The following RALYL variants were observed in gnomAD, a reference collection of about 807,000 sequenced individuals.
RALYL encodes RALY RNA binding protein like.
Under a neutral mutation model 35.1 loss-of-function variants are expected in RALYL, and 29 were observed. That is an observed-to-expected ratio of 0.83 (90% confidence interval 0.61 to 1.13). RALYL has a LOEUF of 1.13. Among genes scored for constraint, RALYL ranks in the 50% most tolerant of loss-of-function variants. The probability of loss-of-function intolerance (pLI) is 0.00; values close to 1 mark genes in which losing one functional copy is unlikely to be tolerated. For synonymous variants in RALYL, 120 were observed against 127.6 expected (o/e 0.94, Z 0.40); for missense variants, 359 against 360.4 (o/e 1.00, Z 0.03).
intron 2 of RALYL, among the ~76,000 whole-genome samples, 182 bp downstream of exon 2, chr8:84,529,759 G>A (rs112365459): frequency 2.0e-5 from 3 of 151,520 alleles, no homozygotes; most frequent in African/African-American, 4.9e-5. Context: ...CTTATTTTCT[G>A]TACAAATTTA....
intron 8 of RALYL, among the ~76,000 whole-genome samples, chr8:84,890,934 A>C (rs1843737903): frequency 1.3e-5 from 2 of 152,172 alleles, no homozygotes; most frequent in Non-Finnish European, 2.9e-5. Flanking sequence ...GGCAGTTTAA[A>C]AATGAGAAAA....
intron 1 of RALYL, among the ~76,000 whole-genome samples, chr8:84,438,360 G>T (rs2047961276): frequency 6.6e-6 from 1 of 150,472 alleles, no homozygotes; most frequent in African/African-American, 2.5e-5. Context: ...GTGTTTTCTA[G>T]GTTTTCTTCT....
At chr8:84,360,533 A>G (rs1268350826) in intron 1 of RALYL, among the ~76,000 whole-genome samples, 1 of 152,194 alleles carries the variant, frequency 6.6e-6, no homozygotes, top group Admixed American at 6.5e-5. Flanking sequence ...TGAATAAGGC[A>G]ATTAAGTAAG....
At chr8:84,761,007 AG>A (rs761495614) in intron 2 of RALYL, among the ~76,000 whole-genome samples, 15 of 152,094 alleles carry the variant, frequency 9.9e-5, no homozygotes, top group Non-Finnish European at 1.9e-4. Context: ...ATATGTTAAA[AG>A]CACTCTGTGA....
chr8:84,370,164 A>G (rs1011486672), intron 1 of RALYL, among the ~76,000 whole-genome samples: 1 of 152,118 alleles, frequency 6.6e-6, no homozygotes, highest in Non-Finnish European at 1.5e-5. Context: ...ATGTATTAAA[A>G]TAACCAGTAT....
At chr8:84,775,462 T>A (rs190144740) in intron 3 of RALYL, among the ~76,000 whole-genome samples, 1 of 152,342 alleles carries the variant, frequency 6.6e-6, no homozygotes, top group East Asian at 1.9e-4. Context: ...CCTCTGTACC[T>A]TAAATTCCAC....
chr8:84,399,224 A>T (rs940322900), intron 1 of RALYL, among the ~76,000 whole-genome samples: 12 of 152,334 alleles, frequency 7.9e-5, no homozygotes, highest in Admixed American at 7.2e-4. Flanking sequence ...TTGCTATATG[A>T]TAGAACATGT....
intron 2 of RALYL, among the ~76,000 whole-genome samples, chr8:84,763,421 G>A (rs754326054): frequency 2.6e-4 from 39 of 152,274 alleles, no homozygotes; most frequent in Non-Finnish European, 3.8e-4. Flanking sequence ...GAAATTAATA[G>A]TGCTAAGTCT....
At chr8:84,745,129 C>G (rs756996744) in intron 2 of RALYL, among the ~76,000 whole-genome samples, 15 of 151,494 alleles carry the variant, frequency 9.9e-5, no homozygotes, top group South Asian at 2.1e-4. Flanking sequence ...CACCAGTCAT[C>G]ATGGTCCATC....
At chr8:84,490,073 G>C (rs2055094670) in intron 1 of RALYL, among the ~76,000 whole-genome samples, 2 of 144,578 alleles carry the variant, frequency 1.4e-5, no homozygotes, top group African/African-American at 5.1e-5. Flanking sequence ...CAGAGTGCTT[G>C]CGTGCATGTG....
intron 2 of RALYL, among the ~76,000 whole-genome samples, chr8:84,570,434 A>G (rs1220182615): frequency 6.6e-6 from 1 of 151,794 alleles, no homozygotes; most frequent in Non-Finnish European, 1.5e-5. Context: ...TGATTTCAGT[A>G]TCCTGAAATT....
At chr8:84,520,526 T>C (rs2058381247) in intron 1 of RALYL, among the ~76,000 whole-genome samples, 1 of 152,202 alleles carries the variant, frequency 6.6e-6, no homozygotes. Flanking sequence ...ATTGGATACA[T>C]AGACATTCTT....
At chr8:84,470,471 T>G (rs1233788643) in intron 1 of RALYL, among the ~76,000 whole-genome samples, 2 of 151,336 alleles carry the variant, frequency 1.3e-5, no homozygotes, top group African/African-American at 2.4e-5. Flanking sequence ...TGTATGGGTT[T>G]TTTTTTTTTC....
chr8:84,288,909 A>C (rs1333700115), intron 1 of RALYL, among the ~76,000 whole-genome samples: 1 of 152,204 alleles, frequency 6.6e-6, no homozygotes, highest in Non-Finnish European at 1.5e-5. Context: ...CACTGAACAA[A>C]GTTGAATGGC....
chr8:84,223,164 TCC>T (rs1822828478), intron 1 of RALYL, among the ~76,000 whole-genome samples: 25 of 108,214 alleles, frequency 2.3e-4, no homozygotes, highest in Admixed American at 6.4e-4. Context: ...TTTCTTTCCT[TCC>T]TCCCTTCCCT....
chr8:84,241,833 C>T (rs925754766), intron 1 of RALYL, among the ~76,000 whole-genome samples: 9 of 150,822 alleles, frequency 6.0e-5, no homozygotes, highest in Non-Finnish European at 1.3e-4. Flanking sequence ...TTAGTAACCA[C>T]ACTTTTTGTT....
At chr8:84,331,987 T>C (rs138486992) in intron 1 of RALYL, among the ~76,000 whole-genome samples, 1 of 152,266 alleles carries the variant, frequency 6.6e-6, no homozygotes, top group African/African-American at 2.4e-5. Flanking sequence ...GTTCTTAAAA[T>C]AGCTGAAGTT....
intron 1 of RALYL, among the ~76,000 whole-genome samples, chr8:84,198,388 A>T (rs977972943): frequency 6.6e-6 from 1 of 152,154 alleles, no homozygotes; most frequent in Non-Finnish European, 1.5e-5. Flanking sequence ...TTGTGGGTAC[A>T]TGATAGGTGT....
chr8:84,638,770 TGA>T (rs1324860691), intron 2 of RALYL, among the ~76,000 whole-genome samples: 1 of 150,572 alleles, frequency 6.6e-6, no homozygotes, highest in African/African-American at 2.4e-5. Flanking sequence ...ATATTGTATA[TGA>T]GAGTCTTATC....
Sources: allele counts gnomAD v4.1 joint callset (sites outside exome capture counted in the v4.1 genomes callset), GRCh38; gene constraint gnomAD v4.1.1; transcripts MANE v1.5; gene names NCBI Gene and HGNC (gene_info 2026-07-23, HGNC 2026-07-21).